The following MYO3B variants were observed in gnomAD, a reference collection of about 807,000 sequenced individuals.
The protein encoded by MYO3B is myosin IIIB.
A neutral mutation model predicts 174.6 loss-of-function variants in MYO3B; 156 were observed. The observed-to-expected ratio is 0.89, with a 90% CI of 0.78 to 1.02. The LOEUF is 1.02. Among genes scored for constraint, MYO3B ranks in the 50% least tolerant of loss-of-function variants. The pLI is 0.00. For synonymous variants in MYO3B, 563 were observed against 569.1 expected (o/e 0.99, Z 0.15); for missense variants, 1,632 against 1,639.4 (o/e 1.00, Z 0.08).
chr2:170,431,871 A>G (rs2094711955), intron 22 of MYO3B, among the ~76,000 whole-genome samples: 2 of 152,242 alleles, frequency 1.3e-5, no homozygotes, highest in South Asian at 4.1e-4. Flanking sequence ...CATTTCAGTC[A>G]ATGACAGACC....
At chr2:170,235,821 T>C (rs2093063450) in intron 6 of MYO3B, among the ~76,000 whole-genome samples, 170 bp from the exon 7 acceptor site, 1 of 152,232 alleles carries the variant, frequency 6.6e-6, no homozygotes, top group Non-Finnish European at 1.5e-5. Context: ...TATAAGATAA[T>C]AAATTGGTTA....
At chr2:170,618,719 G>T (rs1306955929) in intron 32 of MYO3B, among the ~76,000 whole-genome samples, 2 of 152,226 alleles carry the variant, frequency 1.3e-5, no homozygotes, top group South Asian at 2.1e-4. Context: ...TAAGTTAAGT[G>T]AGGGTGGGGG....
At chr2:170,273,301 C>T (rs575426519) in intron 7 of MYO3B, among the ~76,000 whole-genome samples, 1 of 152,228 alleles carries the variant, frequency 6.6e-6, no homozygotes, top group Non-Finnish European at 1.5e-5. Flanking sequence ...GTCTTGGGAA[C>T]TGGAGGCGAA....
chr2:170,653,117 A>C lies in MYO3B; in HGVS notation c.4022A>C (p.His1341Pro). The C allele has an allele frequency of 6.2e-7, 1 of 1,614,124 alleles. No individual in the cohort carries two copies. Among genetic ancestry groups the C allele is most frequent in the South Asian group, 1.1e-5 (1 of 91,080 alleles). Residue 1341 changes from histidine to proline, a missense_variant, in exon 35 of 35, where the codon CAT becomes CCT. Coordinates refer to ENST00000408978, the MANE Select transcript of MYO3B (RefSeq NM_138995.5). ...SSSKGDSFAQ[H>P] is the part of the protein sequence containing the mutation. ...TCAAAAGGAGACTCTTTTGCTCAAC[A>C]TTAAATTGTGCTTCCTAACCCTAAA... is the stretch of plus-strand genomic sequence containing the variant.
intron 25 of MYO3B, among the ~76,000 whole-genome samples, chr2:170,479,339 A>T (rs1685530247): frequency 6.8e-6 from 1 of 147,534 alleles, no homozygotes; most frequent in Admixed American, 6.8e-5. Context: ...GTATGTGTGT[A>T]TGTATATAAA....
At chr2:170,520,117 C>T (rs1389291409) in intron 30 of MYO3B, 2 of 152,294 alleles carry the variant, frequency 1.3e-5, no homozygotes, top group Admixed American at 6.5e-5. Flanking sequence ...CATCCTCCCC[C>T]TGGATATTTA....
chr2:170,283,909 A>G (rs1419640267), intron 7 of MYO3B, among the ~76,000 whole-genome samples: 1 of 152,248 alleles, frequency 6.6e-6, no homozygotes, highest in Non-Finnish European at 1.5e-5. Flanking sequence ...GCAAAGATGC[A>G]TACATGTACA....
At chr2:170,310,643 C>T (rs1182938196) in intron 7 of MYO3B, among the ~76,000 whole-genome samples, 14 of 102,984 alleles carry the variant, frequency 1.4e-4, no homozygotes, top group African/African-American at 4.7e-4. Context: ...CCAGCCTGGG[C>T]GACAAGAGCA....
At chr2:170,370,898 C>A (rs2094238075) in intron 9 of MYO3B, among the ~76,000 whole-genome samples, 1 of 149,490 alleles carries the variant, frequency 6.7e-6, no homozygotes, top group Non-Finnish European at 1.5e-5. Flanking sequence ...CTCTCTCTCT[C>A]TCTTTTTTTT....
intron 23 of MYO3B, among the ~76,000 whole-genome samples, chr2:170,458,769 T>G (rs941752032): frequency 2.6e-5 from 4 of 152,212 alleles, no homozygotes; most frequent in Non-Finnish European, 5.9e-5. Flanking sequence ...GGTTTGTTCC[T>G]TGTCGGAAAT....
At chr2:170,623,056 A>G (rs1307338878) in intron 32 of MYO3B, among the ~76,000 whole-genome samples, 2 of 152,174 alleles carry the variant, frequency 1.3e-5, no homozygotes, top group African/African-American at 4.8e-5. Flanking sequence ...TCTTTATAGC[A>G]GTATGATTTA....
intron 7 of MYO3B, among the ~76,000 whole-genome samples, chr2:170,244,588 G>T (rs2093169637): frequency 6.6e-6 from 1 of 152,144 alleles, no homozygotes. Context: ...GGGAGAATGT[G>T]CTTCAATTCT....
At chr2:170,259,558 C>A (rs2093329663) in intron 7 of MYO3B, among the ~76,000 whole-genome samples, 1 of 152,182 alleles carries the variant, frequency 6.6e-6, no homozygotes, top group African/African-American at 2.4e-5. Flanking sequence ...AAAATTAACT[C>A]AGGATGGATT....
intron 7 of MYO3B, among the ~76,000 whole-genome samples, chr2:170,255,640 A>G (rs1340518116): frequency 2.0e-5 from 3 of 152,172 alleles, no homozygotes; most frequent in African/African-American, 7.2e-5. Context: ...GGGAAAAAAA[A>G]ACCCAGAACC....
At chr2:170,487,899 G>C (rs1443353637) in intron 25 of MYO3B, among the ~76,000 whole-genome samples, 1 of 152,200 alleles carries the variant, frequency 6.6e-6, no homozygotes, top group African/African-American at 2.4e-5. Flanking sequence ...CTAAAATGGT[G>C]ATTCTTCTTT....
intron 32 of MYO3B, among the ~76,000 whole-genome samples, chr2:170,557,140 TTA>T (rs1491530427): frequency 3.1e-5 from 2 of 63,684 alleles, no homozygotes; most frequent in African/African-American, 5.6e-5. Flanking sequence ...TTTTTTATTT[TTA>T]TTTTTATTTT....
intron 32 of MYO3B, among the ~76,000 whole-genome samples, chr2:170,634,799 G>T (rs1697325960): frequency 6.6e-6 from 1 of 152,084 alleles, no homozygotes; most frequent in African/African-American, 2.4e-5. Flanking sequence ...TCAAAAAGTG[G>T]GCAAAGGATA....
At chr2:170,515,668 T>C (rs534090736) in intron 29 of MYO3B, among the ~76,000 whole-genome samples, 2 of 152,184 alleles carry the variant, frequency 1.3e-5, no homozygotes, top group East Asian at 3.9e-4. Flanking sequence ...CTATGATTTT[T>C]GAAGTATGGT....
At chr2:170,214,668 T>C in intron 4 of MYO3B, 61 bp from the exon 5 acceptor site, 2 of 1,483,744 alleles carry the variant, frequency 1.3e-6, no homozygotes. Context: ...TGCTTTAAAA[T>C]AAGCATGTAA....
Sources: allele counts gnomAD v4.1 joint callset (sites outside exome capture counted in the v4.1 genomes callset), GRCh38; gene constraint gnomAD v4.1.1; transcripts MANE v1.5; gene names NCBI Gene and HGNC (gene_info 2026-07-23, HGNC 2026-07-21).